ZRANB3: variants seen among roughly 807,000 people sequenced by gnomAD.
The protein encoded by ZRANB3 is zinc finger RANBP2-type containing 3.
In ZRANB3, 125 loss-of-function variants were observed where a neutral mutation model predicts 133.8. The observed-to-expected ratio is 0.93, with a 90% CI of 0.81 to 1.08. The LOEUF (loss-of-function observed/expected upper bound fraction) is 1.08, where lower values mean the gene tolerates loss of function less well. ZRANB3 is among the 50% of genes least tolerant of loss of function. ZRANB3 has a pLI of 0.00. For synonymous variants in ZRANB3, 387 were observed against 432.7 expected (o/e 0.89, Z 1.31); for missense variants, 1,229 against 1,275.5 (o/e 0.96, Z 0.56).
rs576116942 is a variant in ZRANB3 at position 135,367,094 on chromosome 2, C to G, written c.181-13466G>C. On this transcript the variant is annotated intron_variant, in intron 3 of 20. Transcript: ENST00000264159. ...ATGATTTTTACTCTAAAAACCACTC[C>G]AACTCTGCTTTGTAAAAATGGCCGT... Among the ~76,000 whole-genome samples the G allele has an allele frequency of 2.0e-5, 3 of 152,238 alleles. No homozygotes were observed. The South Asian group carries it at 6.2e-4, about 32-fold the overall frequency.
At chr2:135,406,798 A>G (rs1282588581) in intron 2 of ZRANB3, among the ~76,000 whole-genome samples, 13 of 152,192 alleles carry the variant, frequency 8.5e-5, no homozygotes. Flanking sequence ...CTCTCAATAA[A>G]TTAGGTATTG....
chr2:135,401,847 TA>T (rs1687747068), intron 2 of ZRANB3, among the ~76,000 whole-genome samples: 1 of 152,052 alleles, frequency 6.6e-6, no homozygotes, highest in South Asian at 2.1e-4. Context: ...TCCTCATCAT[TA>T]AAAAAGGAAG....
intron 2 of ZRANB3, among the ~76,000 whole-genome samples, chr2:135,417,764 T>C (rs1688654674): frequency 6.6e-6 from 1 of 152,150 alleles, no homozygotes; most frequent in Non-Finnish European, 1.5e-5. Flanking sequence ...ATATACACCA[T>C]GGAATACTAT....
At chr2:135,518,008 C>T (rs1490280303) in intron 1 of ZRANB3, among the ~76,000 whole-genome samples, 1 of 152,122 alleles carries the variant, frequency 6.6e-6, no homozygotes, top group African/African-American at 2.4e-5. Flanking sequence ...TTGCGTGCTG[C>T]GGTGGGTTCC....
chr2:135,443,115 C>CA lies in ZRANB3; in HGVS notation c.162-52296dup, dbSNP rs544885151. Among the ~76,000 whole-genome samples the CA allele has an allele frequency of 5.1e-3, 588 of 116,060 alleles. 3 individuals are homozygous for CA. Among genetic ancestry groups the CA allele is most frequent in the Admixed American group, 5.8e-3 (60 of 10,368 alleles). The allele number at this position is 116,060 out of a possible 152,430, so 76.1% of individuals were successfully genotyped here. On this transcript the variant is annotated intron_variant, in intron 2 of 20. Transcript: ENST00000264159. The stretch of plus-strand genomic sequence containing the variant: ...TAGGCTACAGAGGGAGACTCCATCT[C>CA]AAAAAAAAAAAGAAAGAAAAAGAAA...
intron 2 of ZRANB3, among the ~76,000 whole-genome samples, chr2:135,396,620 T>C (rs1199738950): frequency 6.6e-6 from 1 of 152,066 alleles, no homozygotes; most frequent in Non-Finnish European, 1.5e-5. Flanking sequence ...TTAAGACAAC[T>C]GAACTCATGG....
intron 12 of ZRANB3, among the ~76,000 whole-genome samples, chr2:135,232,182 C>T (rs1284482560): frequency 6.6e-6 from 1 of 152,178 alleles, no homozygotes; most frequent in Non-Finnish European, 1.5e-5. Flanking sequence ...ACCCATGGAG[C>T]CTTGCTCATT....
At chr2:135,422,376 T>C (rs1688898816) in intron 2 of ZRANB3, among the ~76,000 whole-genome samples, 1 of 152,182 alleles carries the variant, frequency 6.6e-6, no homozygotes, top group Admixed American at 6.5e-5. Context: ...AGTCCTCATT[T>C]TATTAGACTT....
rs990590774 is a variant in ZRANB3 at position 135,530,470 on chromosome 2, T to C, written c.-8+657A>G. On this transcript the variant is annotated intron_variant, in intron 1 of 20. Coordinates refer to ENST00000264159, the MANE Select transcript of ZRANB3 (RefSeq NM_032143.4). ...CCATTAAATTCCGTTCAACTTTTTA[T>C]CTCCCATGCAAGAAACTAGCGACTT... 3 of 152,132 alleles carry C rather than the reference T, an allele frequency of 2.0e-5. No individual in the cohort carries two copies. The East Asian group carries it at 5.8e-4, about 29-fold the overall frequency. The allele number at this position is 152,132 out of a possible 1,614,324, so 9.4% of individuals were successfully genotyped here.
chr2:135,486,762 C>T (rs1206783399), intron 2 of ZRANB3, among the ~76,000 whole-genome samples: 1 of 152,166 alleles, frequency 6.6e-6, no homozygotes, highest in Non-Finnish European at 1.5e-5. Context: ...GATCCACCCG[C>T]TTGGCCTCCC....
rs764753220 is a variant in ZRANB3 at position 135,416,866 on chromosome 2, C to A, written c.162-26046G>T. On this transcript the variant is annotated intron_variant, in intron 2 of 20. Coordinates refer to ENST00000264159, the MANE Select transcript of ZRANB3 (RefSeq NM_032143.4). The stretch of plus-strand genomic sequence containing the variant: ...AAAAACAAGCAATGGGGAAAGGATT[C>A]CCTATTTAATAAATGGTGCTGGGAA... Among the ~76,000 whole-genome samples the A allele has an allele frequency of 7.4e-4, 113 of 152,222 alleles. 2 individuals are homozygous for A. Among genetic ancestry groups the A allele is most frequent in the Middle Eastern group, 3.4e-3 (1 of 294 alleles).
At chr2:135,408,476 T>C (rs1434102882) in intron 2 of ZRANB3, among the ~76,000 whole-genome samples, 1 of 149,488 alleles carries the variant, frequency 6.7e-6, no homozygotes, top group Non-Finnish European at 1.5e-5. Flanking sequence ...CATTACTGGG[T>C]ATATACCCAA....
chr2:135,207,322 T>C, intron 19 of ZRANB3, 112 bp downstream of exon 19: 1 of 1,326,400 alleles, frequency 7.5e-7, no homozygotes, highest in South Asian at 1.9e-5. Context: ...TCCATTATTT[T>C]CTTTCCTTTT....
intron 3 of ZRANB3, among the ~76,000 whole-genome samples, chr2:135,373,631 T>G (rs1217232334): frequency 2.0e-5 from 3 of 151,436 alleles, no homozygotes; most frequent in African/African-American, 7.3e-5. Context: ...CAACTAAAAA[T>G]ACAAAAATTA....
intron 2 of ZRANB3, among the ~76,000 whole-genome samples, chr2:135,493,137 ATATATATATATATATATATATAT>A (rs1692479231): frequency 1.9e-5 from 1 of 52,064 alleles, no homozygotes; most frequent in Non-Finnish European, 3.2e-5. Flanking sequence ...ATATATATAT[ATATATATATATATATATATATAT>A]ATATATATAT....
Position 135,207,558 on chromosome 2 carries a change from T to C in ZRANB3, c.2885A>G (p.His962Arg), listed in dbSNP as rs1423105432. 6 of 1,613,892 alleles carry C rather than the reference T, an allele frequency of 3.7e-6. No homozygotes were observed. Among genetic ancestry groups the C allele is most frequent in the Admixed American group, 1.7e-5 (1 of 60,002 alleles). ...YLRAKVFETE[H>R]GVCQLCNVNA... ...CACATTACAGAGCTGACACACACCATGTTCAGTTTCAAATACTTTGGCTCT... is the reference window on the plus strand; with the variant it reads ...CACATTACAGAGCTGACACACACCACGTTCAGTTTCAAATACTTTGGCTCT... The change falls in exon 19 of 21, where the codon CAT becomes CGT. Residue 962 changes from histidine to arginine, a missense_variant. Coordinates refer to ENST00000264159, the MANE Select transcript of ZRANB3 (RefSeq NM_032143.4).
At chr2:135,354,148 C>T (rs1457741604) in intron 3 of ZRANB3, among the ~76,000 whole-genome samples, 2 of 152,026 alleles carry the variant, frequency 1.3e-5, no homozygotes, top group Admixed American at 6.5e-5. Context: ...CTTAAAGAGA[C>T]AAAATTACTC....
chr2:135,346,181 C>T lies in ZRANB3; in HGVS notation c.592-546G>A, dbSNP rs547881986. Among the ~76,000 whole-genome samples, 121 of 152,324 alleles carry T rather than the reference C, an allele frequency of 7.9e-4. 1 individual carries two copies. The highest frequency in any genetic ancestry group is 2.6e-3 in the African/African-American group (107 of 41,570). ...GCGTGATCTTGGCTCACTGCAAGCT[C>T]CGCCTCCAGAGTTCACGCCATTCTC... On this transcript the variant is annotated intron_variant, in intron 5 of 20. Transcript: ENST00000264159.
At chr2:135,205,808 G>T (rs369251664) in intron 19 of ZRANB3, among the ~76,000 whole-genome samples, 1 of 152,166 alleles carries the variant, frequency 6.6e-6, no homozygotes. Context: ...ATATATGTGT[G>T]TGAGTGTATA....
Sources: gnomAD v4.1 joint callset for allele counts (sites outside exome capture counted in the v4.1 genomes callset) on GRCh38, gnomAD v4.1.1 for gene constraint, MANE v1.5 for transcripts, NCBI Gene and HGNC (gene_info 2026-07-23, HGNC 2026-07-21) for gene names.